RFX3: variants seen among roughly 807,000 people sequenced by gnomAD.
RFX3 encodes the protein regulatory factor X3.
RFX3 carries 14 observed loss-of-function variants against 98.6 expected under a neutral mutation model. The observed-to-expected ratio is 0.14, with a 90% CI of 0.09 to 0.22. The LOEUF (loss-of-function observed/expected upper bound fraction) is 0.22, where lower values mean the gene tolerates loss of function less well. RFX3 is among the 10% of genes least tolerant of loss of function. RFX3 has a pLI of 1.00. For synonymous variants in RFX3, 383 were observed against 328.4 expected, an observed-to-expected ratio of 1.17 and a Z score of -1.80; for missense variants, 639 against 926.9, an observed-to-expected ratio of 0.69 and a Z score of 4.03.
rs1313546209 is a variant in RFX3 at position 3,467,031 on chromosome 9, TA to T, written c.-9+58715del. Among the ~76,000 whole-genome samples the T allele has an allele frequency of 1.1e-4, 10 of 88,236 alleles. No individual in the cohort carries two copies. In the East Asian group the frequency reaches 4.4e-3, roughly 39 times the overall value. The allele number at this position is 88,236 out of a possible 152,430, so 57.9% of individuals were successfully genotyped here. ...TGATATACCTAAATCTAAAGAATTA[TA>T]TATATATATATATATGTATATACAT... On this transcript the variant is annotated intron_variant, in intron 1 of 16. Transcript: ENST00000617270.
intron 1 of RFX3, among the ~76,000 whole-genome samples, chr9:3,464,945 GGTAA>G (rs780400183): frequency 4.6e-5 from 7 of 152,092 alleles, no homozygotes; most frequent in South Asian, 4.1e-4. Context: ...TCGGTGGAAA[GGTAA>G]GTGTCTCTCT....
At chr9:3,230,650 C>T (rs529140407) in intron 15 of RFX3, among the ~76,000 whole-genome samples, 4 of 152,224 alleles carry the variant, frequency 2.6e-5, no homozygotes, top group African/African-American at 4.8e-5. Flanking sequence ...ACTGAAGGAT[C>T]ATTTAACAGT....
At chr9:3,230,994 A>G (rs890428170) in intron 15 of RFX3, among the ~76,000 whole-genome samples, 3 of 152,230 alleles carry the variant, frequency 2.0e-5, no homozygotes, top group Non-Finnish European at 4.4e-5. Flanking sequence ...TTTCTACTTA[A>G]TACGAATAAT....
intron 11 of RFX3, among the ~76,000 whole-genome samples, chr9:3,267,080 T>C (rs1440534567): frequency 3.3e-5 from 5 of 152,002 alleles, no homozygotes; most frequent in African/African-American, 9.7e-5. Context: ...GTGATGACTA[T>C]GACTATTTTA....
chr9:3,370,255 G>C (rs959372648), intron 2 of RFX3, among the ~76,000 whole-genome samples: 2 of 150,576 alleles, frequency 1.3e-5, no homozygotes, highest in Non-Finnish European at 3.0e-5. Context: ...GTAATATATA[G>C]GGTTCAATTC....
intron 4 of RFX3, among the ~76,000 whole-genome samples, chr9:3,329,163 T>C (rs1832280077): frequency 1.3e-5 from 2 of 151,918 alleles, no homozygotes; most frequent in African/African-American, 2.4e-5. Context: ...TCCCAGCACT[T>C]TGGGAGGCTG....
At chr9:3,360,521 A>T (rs1431444210) in intron 2 of RFX3, among the ~76,000 whole-genome samples, 1 of 152,118 alleles carries the variant, frequency 6.6e-6, no homozygotes, top group East Asian at 1.9e-4. Context: ...TGAAGGGAAA[A>T]AAAATTATCC....
intron 1 of RFX3, among the ~76,000 whole-genome samples, chr9:3,430,213 T>A (rs1029881715): frequency 1.2e-4 from 18 of 152,212 alleles, no homozygotes; most frequent in African/African-American, 3.9e-4. Flanking sequence ...ATACTCAGGA[T>A]AATTAATAGC....
At chr9:3,467,293 TAC>T (rs1295151921) in intron 1 of RFX3, among the ~76,000 whole-genome samples, 6 of 146,350 alleles carry the variant, frequency 4.1e-5, no homozygotes, top group South Asian at 2.1e-4. Flanking sequence ...TACATATATA[TAC>T]ACACACACAA....
intron 1 of RFX3, among the ~76,000 whole-genome samples, chr9:3,497,950 T>A (rs1238335349): frequency 6.6e-6 from 1 of 152,048 alleles, no homozygotes; most frequent in African/African-American, 2.4e-5. Context: ...ACTGCCACTT[T>A]AACAATCTTT....
At chr9:3,411,786 G>A (rs1028008319) in intron 1 of RFX3, among the ~76,000 whole-genome samples, 3 of 151,620 alleles carry the variant, frequency 2.0e-5, no homozygotes, top group African/African-American at 7.3e-5. Flanking sequence ...CCACTGCGCA[G>A]GCCTCTTGTT....
Position 3,505,268 on chromosome 9 carries a change from A to T in RFX3, c.-9+20479T>A, listed in dbSNP as rs1403548253. Reference sequence around the variant, plus strand: ...TATATATATGAATATATATTTATATATATATGAATATATACATTTTTATAT... The same window carrying T: ...TATATATATGAATATATATTTATATTTATATGAATATATACATTTTTATAT... On this transcript the variant is annotated intron_variant, in intron 1 of 16. Transcript: ENST00000617270. Among the ~76,000 whole-genome samples the T allele has an allele frequency of 4.8e-3, 364 of 75,438 alleles. 58 individuals carry two copies. The East Asian group carries it at 0.055, about 11-fold the overall frequency. 49.5% of individuals were successfully genotyped at this position (75,438 alleles called of 152,430 possible).
intron 2 of RFX3, among the ~76,000 whole-genome samples, chr9:3,357,157 C>T (rs1164939297): frequency 2.0e-5 from 3 of 151,844 alleles, no homozygotes; most frequent in African/African-American, 4.8e-5. Flanking sequence ...TAAGTGCATC[C>T]CAATCATATT....
chr9:3,317,015 C>A (rs968193848), intron 4 of RFX3, among the ~76,000 whole-genome samples: 59 of 152,174 alleles, frequency 3.9e-4, no homozygotes, highest in African/African-American at 1.4e-3. Context: ...TTGGAAAAAA[C>A]TACTTTAAAG....
intron 3 of RFX3, among the ~76,000 whole-genome samples, chr9:3,337,931 A>G (rs944692094): frequency 1.2e-4 from 19 of 152,184 alleles, no homozygotes; most frequent in African/African-American, 4.3e-4. Flanking sequence ...AATCTTCAAC[A>G]AAGTGCATAT....
chr9:3,434,665 G>T (rs1162918572), intron 1 of RFX3, among the ~76,000 whole-genome samples: 1 of 152,044 alleles, frequency 6.6e-6, no homozygotes, highest in East Asian at 1.9e-4. Flanking sequence ...AAGCAGTGCA[G>T]TAAGTGTCCT....
At chr9:3,350,500 G>A (rs1315526879) in intron 2 of RFX3, among the ~76,000 whole-genome samples, 5 of 152,242 alleles carry the variant, frequency 3.3e-5, no homozygotes, top group Admixed American at 6.5e-5. Context: ...GGGAAGGCAC[G>A]TTGGTAGTTT....
chr9:3,246,180 G>C lies in RFX3; in HGVS notation c.1968+1852C>G, dbSNP rs190592443. Among the ~76,000 whole-genome samples the C allele has an allele frequency of 4.4e-4, 67 of 152,034 alleles. 1 individual carries two copies. The highest frequency in any genetic ancestry group is 1.5e-3 in the African/African-American group (64 of 41,446). ...CTTTCCTATAAACTGAGTAAGCAAA[G>C]AAATCAAGAAGTATGATTAGATCTT... On this transcript the variant is annotated intron_variant, in intron 15 of 16. Coordinates refer to ENST00000617270, the MANE Select transcript of RFX3 (RefSeq NM_001282116.2).
intron 2 of RFX3, among the ~76,000 whole-genome samples, chr9:3,360,418 A>G (rs757150241): frequency 2.5e-4 from 38 of 152,248 alleles, no homozygotes; most frequent in Middle Eastern, 3.4e-3. Flanking sequence ...ACCTTGAGTT[A>G]ATTTTTAAAT....
Sources: allele counts gnomAD v4.1 joint callset (sites outside exome capture counted in the v4.1 genomes callset), GRCh38; gene constraint gnomAD v4.1.1; transcripts MANE v1.5; gene names NCBI Gene and HGNC (gene_info 2026-07-23, HGNC 2026-07-21).